Variants in SKAP2 observed in about 807,000 individuals in gnomAD.
The protein encoded by SKAP2 is src kinase-associated phosphoprotein 2.
Under a neutral mutation model 54.9 loss-of-function variants are expected in SKAP2, and 28 were observed. The observed-to-expected ratio is 0.51, with a 90% CI of 0.38 to 0.70. SKAP2 has a LOEUF of 0.70. Ranked by LOEUF, SKAP2 falls within the 30% of genes least tolerant of loss-of-function variation. SKAP2 has a pLI of 0.00. For missense variants in SKAP2, 356 were observed against 424.1 expected, an observed-to-expected ratio of 0.84 and a Z score of 1.41; for synonymous variants, 137 against 134.3, an observed-to-expected ratio of 1.02 and a Z score of -0.14.
intron 4 of SKAP2, among the ~76,000 whole-genome samples, chr7:26,749,473 G>T (rs1782631066): frequency 6.6e-6 from 1 of 152,016 alleles, no homozygotes; most frequent in Admixed American, 6.6e-5. Context: ...CCTCGGCTGG[G>T]GGTAGTGATT....
intron 4 of SKAP2, among the ~76,000 whole-genome samples, chr7:26,796,733 A>G (rs1156777313): frequency 2.0e-5 from 3 of 152,200 alleles, no homozygotes; most frequent in Non-Finnish European, 4.4e-5. Context: ...TTATTCTATT[A>G]TAAGAATGCA....
At chr7:26,711,467 A>AC (rs1444858370) in intron 9 of SKAP2, among the ~76,000 whole-genome samples, 1 of 152,240 alleles carries the variant, frequency 6.6e-6, no homozygotes, top group Non-Finnish European at 1.5e-5. Flanking sequence ...AAGCCACATC[A>AC]ACTAAAGTTT....
chr7:26,851,566 A>T (rs535358758), intron 3 of SKAP2, among the ~76,000 whole-genome samples: 46 of 151,598 alleles, frequency 3.0e-4, no homozygotes, highest in Non-Finnish European at 5.0e-4. Context: ...GTGCCTGTTG[A>T]GGGGTGGTGG....
At chr7:26,780,160 G>A (rs912560069) in intron 4 of SKAP2, among the ~76,000 whole-genome samples, 13 of 152,102 alleles carry the variant, frequency 8.5e-5, no homozygotes, top group African/African-American at 3.1e-4. Flanking sequence ...GCTGATTCCT[G>A]TAAAATGAGA....
At chr7:26,705,264 T>C (rs770143580) in intron 9 of SKAP2, among the ~76,000 whole-genome samples, 21 of 152,358 alleles carry the variant, frequency 1.4e-4, no homozygotes, top group South Asian at 8.3e-4. Flanking sequence ...ATAAATGTTA[T>C]GCCATAATTA....
At chr7:26,827,887 G>C (rs1028750684) in intron 4 of SKAP2, among the ~76,000 whole-genome samples, 2 of 152,154 alleles carry the variant, frequency 1.3e-5, no homozygotes, top group African/African-American at 4.8e-5. Flanking sequence ...CTGATAGCAA[G>C]TGCTGCTTAG....
rs554695694 is a variant in SKAP2, at chr7:26,804,474, T to C, written c.307+39556A>G. On this transcript the variant is annotated intron_variant, in intron 4 of 12. Transcript: ENST00000345317. ...GAATGTGCCGGGCCGGGCCTGGTGG[T>C]TCAGGCCCGTAATCCCAGCACTTTG... Among the ~76,000 whole-genome samples the C allele has an allele frequency of 3.3e-5, 5 of 152,224 alleles. No homozygotes were observed. In the East Asian group the frequency reaches 7.7e-4, roughly 24 times the overall value.
intron 4 of SKAP2, among the ~76,000 whole-genome samples, chr7:26,785,074 G>C (rs1783513072): frequency 2.6e-5 from 4 of 151,942 alleles, no homozygotes; most frequent in Admixed American, 2.0e-4. Context: ...TCATTTTTTT[G>C]CTCATGAGGT....
At chr7:26,727,643 C>T (rs532269380) in intron 6 of SKAP2, among the ~76,000 whole-genome samples, 13 of 152,064 alleles carry the variant, frequency 8.5e-5, no homozygotes, top group Non-Finnish European at 1.6e-4. Flanking sequence ...GTTTCTTATC[C>T]AGTCAGTGAA....
At chr7:26,864,055 T>TCACACA (rs35995014) in intron 1 of SKAP2, among the ~76,000 whole-genome samples, 8,223 of 143,348 alleles carry the variant, frequency 0.057, 315 homozygotes, top group Non-Finnish European at 0.08. Flanking sequence ...CGCCCTTCTG[T>TCACACA]CACACACACA....
the SKAP2 span, among the ~76,000 whole-genome samples, chr7:26,658,349 G>A: frequency 2.6e-5 from 4 of 152,146 alleles, no homozygotes; most frequent in Admixed American, 2.6e-4. Context: ...CTTCCCCAAT[G>A]CCTTTTTGTG....
chr7:26,725,370 ACT>A, intron 9 of SKAP2, 56 bp downstream of exon 9: 69 of 1,212,826 alleles, frequency 5.7e-5, no homozygotes, highest in South Asian at 1.0e-4. Context: ...ACACACACAC[ACT>A]CACACACACA....
chr7:26,711,776 T>C (rs144843258), intron 9 of SKAP2, among the ~76,000 whole-genome samples: 49 of 152,302 alleles, frequency 3.2e-4, no homozygotes, highest in African/African-American at 1.2e-3. Context: ...TGTTATATTT[T>C]AGGAAATCAA....
chr7:26,782,335 T>A (rs1783445599), intron 4 of SKAP2, among the ~76,000 whole-genome samples: 1 of 152,228 alleles, frequency 6.6e-6, no homozygotes, highest in Non-Finnish European at 1.5e-5. Context: ...CTACATCAAT[T>A]TATAATACGT....
At chr7:26,764,191 T>C (rs1485724614) in intron 4 of SKAP2, among the ~76,000 whole-genome samples, 2 of 152,188 alleles carry the variant, frequency 1.3e-5, no homozygotes, top group Non-Finnish European at 2.9e-5. Flanking sequence ...TGTATGTGTA[T>C]AGGAAGGTGT....
intron 4 of SKAP2, among the ~76,000 whole-genome samples, chr7:26,820,215 C>T (rs1270896346): frequency 1.3e-5 from 2 of 152,124 alleles, no homozygotes; most frequent in Non-Finnish European, 2.9e-5. Context: ...TATTTAAGAA[C>T]TTGATTTTTA....
intron 4 of SKAP2, among the ~76,000 whole-genome samples, chr7:26,823,405 AAC>A (rs555860690): frequency 5.9e-4 from 87 of 147,662 alleles, no homozygotes; most frequent in African/African-American, 2.2e-3. Context: ...CAGCCTCGGC[AAC>A]AGAGTGAGAC....
chr7:26,725,659 C>A, intron 8 of SKAP2, 94 bp from the exon 9 acceptor site: 1 of 1,186,748 alleles, frequency 8.4e-7, no homozygotes, highest in Non-Finnish European at 1.2e-6. Flanking sequence ...TACAAAGCAA[C>A]AACAATATTG....
chr7:26,733,130 C>CAA (rs76555106), intron 6 of SKAP2, among the ~76,000 whole-genome samples: 13 of 106,496 alleles, frequency 1.2e-4, no homozygotes, highest in African/African-American at 2.4e-4. Flanking sequence ...GACCCCGTCT[C>CAA]AAAAAAAAAA....
Sources: allele counts gnomAD v4.1 joint callset (sites outside exome capture counted in the v4.1 genomes callset), GRCh38; gene constraint gnomAD v4.1.1; transcripts MANE v1.5; gene names NCBI Gene and HGNC (gene_info 2026-07-23, HGNC 2026-07-21).